Variants in CCDC50 observed in about 807,000 individuals in gnomAD.
The protein encoded by CCDC50 is coiled-coil domain-containing protein 50.
A neutral mutation model predicts 70.2 loss-of-function variants in CCDC50; 54 were observed. The ratio of observed to expected loss-of-function variants is 0.77; its 90% CI spans 0.62 to 0.96. The LOEUF is 0.96. Among genes scored for constraint, CCDC50 ranks in the 50% least tolerant of loss-of-function variants. The pLI is 0.00. For synonymous variants in CCDC50, 216 were observed against 198.8 expected (o/e 1.09, Z -0.73); for missense variants, 558 against 578.7 (o/e 0.96, Z 0.37).
At chr3:191,333,689 A>T (rs1718058665) in intron 1 of CCDC50, among the ~76,000 whole-genome samples, 1 of 152,012 alleles carries the variant, frequency 6.6e-6, no homozygotes. Flanking sequence ...TGTGTGAATA[A>T]ATGAATGAGT....
intron 6 of CCDC50, among the ~76,000 whole-genome samples, 179 bp downstream of exon 6, chr3:191,375,768 A>G (rs1386951515): frequency 6.6e-6 from 1 of 152,216 alleles, no homozygotes; most frequent in Admixed American, 6.5e-5. Context: ...CTGTAAGAAG[A>G]AGGAAAATAT....
At chr3:191,356,281 G>C (rs1712277472) in intron 1 of CCDC50, among the ~76,000 whole-genome samples, 1 of 151,848 alleles carries the variant, frequency 6.6e-6, no homozygotes, top group African/African-American at 2.4e-5. Flanking sequence ...GGTAAACATG[G>C]ATACCATTGT....
chr3:191,374,974 G>T lies in CCDC50; in HGVS notation c.449-88G>T, dbSNP rs142070410. ...CATTTTTAAAGTACGTTAAACTGGA[G>T]CCCAGACTCCCCCCTGTGTAGTGAG... On this transcript the variant is annotated intron_variant, in intron 5 of 11. Coordinates refer to ENST00000392455, the MANE Select transcript of CCDC50 (RefSeq NM_178335.3). 2.1e-3 allele frequency: 2,891 copies of T among 1,348,840 alleles called. 3 individuals are homozygous for T. Among genetic ancestry groups the T allele is most frequent in the Non-Finnish European group, 2.7e-3 (2,550 of 952,030 alleles). The allele number at this position is 1,348,840 out of a possible 1,614,324, so 83.6% of individuals were successfully genotyped here. A position where few individuals can be genotyped will look rare whatever the true frequency, so the allele number is the denominator to read the frequency against.
intron 4 of CCDC50, among the ~76,000 whole-genome samples, chr3:191,369,196 A>G (rs1712810231): frequency 6.6e-6 from 1 of 152,176 alleles, no homozygotes; most frequent in East Asian, 1.9e-4. Context: ...AAAATCTTGT[A>G]CTAATTCCTT....
chr3:191,351,524 G>A (rs1038650448), intron 1 of CCDC50, among the ~76,000 whole-genome samples: 1 of 141,532 alleles, frequency 7.1e-6, no homozygotes, highest in Non-Finnish European at 1.6e-5. Flanking sequence ...TACAGTTATT[G>A]GTAGGGAATT....
At chr3:191,353,841 C>A (rs879638616) in intron 1 of CCDC50, among the ~76,000 whole-genome samples, 4 of 98,388 alleles carry the variant, frequency 4.1e-5, no homozygotes, top group Non-Finnish European at 1.0e-4. Flanking sequence ...TGTTCATGTA[C>A]TTCCTCATAA....
At chr3:191,373,499 G>T (rs1331798165) in intron 5 of CCDC50, among the ~76,000 whole-genome samples, 1 of 152,080 alleles carries the variant, frequency 6.6e-6, no homozygotes, top group Non-Finnish European at 1.5e-5. Flanking sequence ...CTTCACTTGT[G>T]CAACTCTGAG....
At chr3:191,354,102 A>G (rs1712194790) in intron 1 of CCDC50, among the ~76,000 whole-genome samples, 1 of 152,236 alleles carries the variant, frequency 6.6e-6, no homozygotes, top group African/African-American at 2.4e-5. Flanking sequence ...TGTTGACAAC[A>G]TGAAATAAGT....
intron 11 of CCDC50, among the ~76,000 whole-genome samples, chr3:191,391,490 C>T (rs1157483200): frequency 1.3e-5 from 2 of 152,220 alleles, no homozygotes; most frequent in Admixed American, 6.5e-5. Context: ...CCCGATTTAA[C>T]GAAGTAGCTC....
intron 5 of CCDC50, among the ~76,000 whole-genome samples, chr3:191,371,334 A>G (rs1445112290): frequency 6.6e-6 from 1 of 152,088 alleles, no homozygotes; most frequent in African/African-American, 2.4e-5. Context: ...AGTATTTGCA[A>G]GTGTTGTCGA....
chr3:191,390,822 G>C (rs1373377919), intron 11 of CCDC50, among the ~76,000 whole-genome samples: 1 of 152,042 alleles, frequency 6.6e-6, no homozygotes, highest in African/African-American at 2.4e-5. Flanking sequence ...TAACCTCCTG[G>C]GAATGGAGTC....
Position 191,375,074 on chromosome 3 carries a change from CA to C in CCDC50, c.463del (p.Arg155GlyfsTer23). ...YYYEDGDQPG[S>X]RRARELGSGF... ...TGCCTCCACTCAGACCAACCAGGGTCAAGGAGGGCCAGGGAATTGGGTTCTG... is the reference window on the plus strand; with the variant it reads ...TGCCTCCACTCAGACCAACCAGGGTCAGGAGGGCCAGGGAATTGGGTTCTG... On this transcript the variant is annotated frameshift_variant, in exon 6 of 12. Coordinates refer to ENST00000392455, the MANE Select transcript of CCDC50 (RefSeq NM_178335.3). LOFTEE classifies it high-confidence loss of function. 7.4e-6 allele frequency: 12 copies of C among 1,613,296 alleles called. No homozygotes were observed. Among genetic ancestry groups the C allele is most frequent in the Non-Finnish European group, 9.3e-6 (11 of 1,179,646 alleles).
chr3:191,370,124 AC>A (rs1712849331), intron 5 of CCDC50, 88 bp downstream of exon 5: 2 of 898,416 alleles, frequency 2.2e-6, no homozygotes, highest in Non-Finnish European at 3.7e-6. Context: ...GACCTTAGGG[AC>A]CTGGGACTGT....
At chr3:191,377,296 A>G (rs1054462606) in intron 6 of CCDC50, among the ~76,000 whole-genome samples, 8 of 152,166 alleles carry the variant, frequency 5.3e-5, no homozygotes, top group African/African-American at 1.9e-4. Flanking sequence ...TAAAAGCACA[A>G]TTCTTAAAGT....
At chr3:191,374,784 GTGT>G (rs1713034490) in intron 5 of CCDC50, among the ~76,000 whole-genome samples, 1 of 152,130 alleles carries the variant, frequency 6.6e-6, no homozygotes, top group South Asian at 2.1e-4. Flanking sequence ...AAATATTAAA[GTGT>G]TGTTAGCTCT....
In CCDC50 at chr3:191,375,348, G is replaced by A; in HGVS notation, c.735G>A (p.Val245=). 1 of 1,613,738 alleles carries A rather than the reference G, an allele frequency of 6.2e-7. No homozygotes were observed. The highest frequency in any genetic ancestry group is 8.5e-7 in the Non-Finnish European group (1 of 1,179,828). Reference sequence around the variant, plus strand: ...TGCTTCCCACGATCAGTGGTGAAGTGTTTCTGAGCACTGAATGTGATGACT... The same window carrying A: ...TGCTTCCCACGATCAGTGGTGAAGTATTTCTGAGCACTGAATGTGATGACT... ...RPLLPTISGE[V]FLSTECDDWE... is the part of the protein sequence containing the mutation. The change falls in exon 6 of 12, where the codon GTG becomes GTA. Residue 245 remains valine, a synonymous_variant. Coordinates refer to ENST00000392455, the MANE Select transcript of CCDC50 (RefSeq NM_178335.3).
chr3:191,394,637 C>T lies in CCDC50; in HGVS notation c.*2877C>T, dbSNP rs1002028272. The stretch of plus-strand genomic sequence containing the variant: ...TTTGGAGGCCAGGCCTCATTAACAC[C>T]AGTATTGTTGAATAAGCACAATATA... On this transcript the variant is annotated 3_prime_UTR_variant, in exon 12 of 12. Transcript: ENST00000392455. 1 of 152,128 alleles carries T rather than the reference C, an allele frequency of 6.6e-6. No individual in the cohort carries two copies. Among genetic ancestry groups the T allele is most frequent in the Non-Finnish European group, 1.5e-5 (1 of 67,998 alleles). The allele number at this position is 152,128 out of a possible 1,614,324, so 9.4% of individuals were successfully genotyped here.
chr3:191,372,242 C>T (rs965942494), intron 5 of CCDC50, among the ~76,000 whole-genome samples: 17 of 152,018 alleles, frequency 1.1e-4, no homozygotes, highest in African/African-American at 3.9e-4. Flanking sequence ...TAGAGAGTGG[C>T]GTATATGCTT....
Position 191,347,415 on chromosome 3 carries a change from C to A in CCDC50, c.50-9673C>A, listed in dbSNP as rs1288766551. 2.3e-5 allele frequency among the ~76,000 whole-genome samples: 3 copies of A among 128,012 alleles called. 1 individual carries two copies. The highest frequency in any genetic ancestry group is 1.6e-4 in the Admixed American group (2 of 12,270). 84.0% of individuals were successfully genotyped at this position (128,012 alleles called of 152,430 possible). On this transcript the variant is annotated intron_variant, in intron 1 of 11. Coordinates refer to ENST00000392455, the MANE Select transcript of CCDC50 (RefSeq NM_178335.3). ...GTGCAAATTCCTGCTAGCACCTCAGCACATACTGCTTTATCTGCTTTAAAT... is the reference window on the plus strand; with the variant it reads ...GTGCAAATTCCTGCTAGCACCTCAGAACATACTGCTTTATCTGCTTTAAAT...
Sources: gnomAD v4.1 joint callset for allele counts (sites outside exome capture counted in the v4.1 genomes callset) on GRCh38, gnomAD v4.1.1 for gene constraint, MANE v1.5 for transcripts, NCBI Gene and HGNC (gene_info 2026-07-23, HGNC 2026-07-21) for gene names.